GRID2: variants seen among roughly 807,000 people sequenced by gnomAD.
The protein encoded by GRID2 is glutamate ionotropic receptor delta type subunit 2.
GRID2 carries 33 observed loss-of-function variants against 114.8 expected under a neutral mutation model. The ratio of observed to expected loss-of-function variants is 0.29; its 90% CI spans 0.22 to 0.38. The LOEUF (loss-of-function observed/expected upper bound fraction) is 0.38. Among genes scored for constraint, GRID2 ranks in the 10% least tolerant of loss-of-function variants. The pLI, the probability that GRID2 is intolerant of heterozygous loss-of-function variation, is 1.00. For missense variants in GRID2, 1,184 were observed against 1,257.7 expected (o/e 0.94, Z 0.89); for synonymous variants, 505 against 449.9 (o/e 1.12, Z -1.55).
chr4:93,525,866 A>C (rs1348248451), intron 13 of GRID2, among the ~76,000 whole-genome samples: 1 of 152,188 alleles, frequency 6.6e-6, no homozygotes, highest in Non-Finnish European at 1.5e-5. Context: ...ATGAAAAAAG[A>C]ATAGATTGAT....
intron 2 of GRID2, among the ~76,000 whole-genome samples, chr4:92,965,469 AAAAAAAAAAAAAAAAAAAAAC>A (rs1158631089): frequency 5.4e-4 from 28 of 52,292 alleles, no homozygotes; most frequent in East Asian, 1.1e-3. Flanking sequence ...AAAAAAAAAA[AAAAAAAAAAAAAAAAAAAAAC>A]ACACAACATC....
At chr4:92,695,697 C>A (rs1734395513) in intron 2 of GRID2, among the ~76,000 whole-genome samples, 1 of 152,132 alleles carries the variant, frequency 6.6e-6, no homozygotes, top group African/African-American at 2.4e-5. Flanking sequence ...GTAATCTCCT[C>A]TTTTCCTATG....
chr4:93,440,343 G>C (rs1356058100), intron 10 of GRID2, among the ~76,000 whole-genome samples: 2 of 151,992 alleles, frequency 1.3e-5, no homozygotes, highest in Non-Finnish European at 2.9e-5. Flanking sequence ...CTTTGCAAAG[G>C]GGACCAGAGT....
intron 8 of GRID2, among the ~76,000 whole-genome samples, chr4:93,329,396 A>C (rs764594435): frequency 3.9e-5 from 6 of 152,138 alleles, no homozygotes; most frequent in Non-Finnish European, 7.4e-5. Flanking sequence ...GTTTTGAAGA[A>C]TGTCTCTATG....
At chr4:92,412,843 T>C (rs1486089147) in intron 1 of GRID2, among the ~76,000 whole-genome samples, 1 of 152,202 alleles carries the variant, frequency 6.6e-6, no homozygotes, top group Non-Finnish European at 1.5e-5. Flanking sequence ...AAATGTCTTC[T>C]TCTCCTTTGT....
chr4:93,469,288 G>A (rs1018219865), intron 11 of GRID2, among the ~76,000 whole-genome samples: 23 of 151,978 alleles, frequency 1.5e-4, no homozygotes, highest in Non-Finnish European at 3.1e-4. Flanking sequence ...CAGTTTACCA[G>A]TTTACTTGAA....
intron 10 of GRID2, among the ~76,000 whole-genome samples, chr4:93,448,794 CCCTTCCCTTCCCTTCCCTT>C (rs1722343805): frequency 1.0e-3 from 6 of 5,796 alleles, no homozygotes; most frequent in African/African-American, 2.7e-3. Flanking sequence ...CCCTCCCCTT[CCCTTCCCTTCCCTTCCCTT>C]CCCTTCCCTT....
intron 8 of GRID2, among the ~76,000 whole-genome samples, chr4:93,358,802 G>C (rs1380521886): frequency 1.3e-5 from 2 of 151,938 alleles, no homozygotes; most frequent in African/African-American, 4.8e-5. Flanking sequence ...ACTGAATTAA[G>C]TCTGCTACTA....
intron 14 of GRID2, among the ~76,000 whole-genome samples, chr4:93,725,000 ATACTT>A (rs2110204469): frequency 6.6e-6 from 1 of 152,078 alleles, no homozygotes; most frequent in African/African-American, 2.4e-5. Flanking sequence ...TATTATTATT[ATACTT>A]TAAGTTTTAG....
intron 9 of GRID2, among the ~76,000 whole-genome samples, chr4:93,398,133 G>GTGTGTGTGTATGTATATATATA: frequency 5.7e-5 from 7 of 122,350 alleles, no homozygotes; most frequent in African/African-American, 1.9e-4. Flanking sequence ...ATGTGTGTGT[G>GTGTGTGTGTATGTATATATATA]TATATATATA....
intron 14 of GRID2, among the ~76,000 whole-genome samples, chr4:93,765,344 G>A (rs1279060843): frequency 6.6e-6 from 1 of 152,080 alleles, no homozygotes; most frequent in Non-Finnish European, 1.5e-5. Context: ...TGAGGGGTCA[G>A]ATGGTCCAAT....
Position 93,270,508 on chromosome 4 carries a change from G to C in GRID2, c.1245+32018G>C, listed in dbSNP as rs186333977. On this transcript the variant is annotated intron_variant, in intron 8 of 15. Transcript: ENST00000282020. The stretch of plus-strand genomic sequence containing the variant: ...TGTAAAAGCTCTTAATGTGTTACGA[G>C]TCTTACTGTTACAGCACATCATCCT... Among the ~76,000 whole-genome samples the C allele has an allele frequency of 1.2e-3, 177 of 152,262 alleles. 2 individuals carry two copies. The highest frequency in any genetic ancestry group is 4.2e-3 in the African/African-American group (175 of 41,572).
At chr4:93,030,851 G>C (rs994699273) in intron 2 of GRID2, among the ~76,000 whole-genome samples, 7 of 151,118 alleles carry the variant, frequency 4.6e-5, no homozygotes, top group African/African-American at 1.7e-4. Flanking sequence ...AGAGTGGTGA[G>C]AAAAAAAGAG....
chr4:92,502,550 C>A (rs762736200), intron 1 of GRID2, among the ~76,000 whole-genome samples: 1 of 151,536 alleles, frequency 6.6e-6, no homozygotes, highest in African/African-American at 2.4e-5. Context: ...TCTGGAACAT[C>A]GAGGGTATAG....
Position 92,929,130 on chromosome 4 carries a change from C to T in GRID2, c.245-155865C>T, listed in dbSNP as rs899635522. On this transcript the variant is annotated intron_variant, in intron 2 of 15. Coordinates refer to ENST00000282020, the MANE Select transcript of GRID2 (RefSeq NM_001510.4). ...TAGAAATACTTTAAAAAGGCAAACT[C>T]TGTAAATCCTCAATCTTTAAAGGAG... Among the ~76,000 whole-genome samples the T allele has an allele frequency of 2.0e-5, 3 of 151,342 alleles. 1 individual carries two copies. The Admixed American group carries it at 2.0e-4, about 10-fold the overall frequency.
At position 92,474,818 on chromosome 4, in the gene GRID2, A is replaced by G. The variant is rs150384524; in HGVS notation, c.89-115313A>G. Among the ~76,000 whole-genome samples, 27 of 151,968 alleles carry G rather than the reference A, an allele frequency of 1.8e-4. 1 individual carries two copies. The East Asian group carries it at 4.1e-3, about 23-fold the overall frequency. ...GTATGTCTTCTTTGGAGAAATATCAATTTAGGTTTTTTTCTTTATTTTTTC... is the reference window on the plus strand; with the variant it reads ...GTATGTCTTCTTTGGAGAAATATCAGTTTAGGTTTTTTTCTTTATTTTTTC... On this transcript the variant is annotated intron_variant, in intron 1 of 15. Transcript: ENST00000282020.
At chr4:93,619,091 T>A (rs1400349836) in intron 13 of GRID2, among the ~76,000 whole-genome samples, 3 of 152,202 alleles carry the variant, frequency 2.0e-5, no homozygotes, top group African/African-American at 7.2e-5. Flanking sequence ...ATATATTCTT[T>A]TTGAAAGTTT....
intron 2 of GRID2, among the ~76,000 whole-genome samples, chr4:92,684,051 T>A (rs1047419028): frequency 3.8e-4 from 58 of 152,088 alleles, no homozygotes; most frequent in African/African-American, 1.3e-3. Flanking sequence ...TAAAATAAAT[T>A]CTTTTAAAAT....
At chr4:92,843,683 C>A (rs529856206) in intron 2 of GRID2, among the ~76,000 whole-genome samples, 1 of 151,958 alleles carries the variant, frequency 6.6e-6, no homozygotes, top group African/African-American at 2.4e-5. Flanking sequence ...TTCTGTTGAA[C>A]GACTTGAGGA....
Sources: allele counts gnomAD v4.1 joint callset (sites outside exome capture counted in the v4.1 genomes callset), GRCh38; gene constraint gnomAD v4.1.1; transcripts MANE v1.5; gene names NCBI Gene and HGNC (gene_info 2026-07-23, HGNC 2026-07-21).